Variants in PACRG observed in about 807,000 individuals in gnomAD.
PACRG encodes the protein parkin coregulated gene protein.
A neutral mutation model predicts 29.7 loss-of-function variants in PACRG; 29 were observed. The observed-to-expected ratio is 0.98, with a 90% CI of 0.73 to 1.33. The LOEUF (loss-of-function observed/expected upper bound fraction) is 1.33. PACRG is among the 40% of genes most tolerant of loss of function. The probability of loss-of-function intolerance (pLI) is 0.00; values close to 1 mark genes in which losing one functional copy is unlikely to be tolerated. For missense variants in PACRG, 279 were observed against 316.2 expected (o/e 0.88, Z 0.89); for synonymous variants, 116 against 118.7 (o/e 0.98, Z 0.15).
intron 2 of PACRG, among the ~76,000 whole-genome samples, chr6:162,893,941 T>A (rs3798216): frequency 0.18 from 26,927 of 152,096 alleles, 2,975 homozygotes; most frequent in East Asian, 0.35. Context: ...GCACAATCAA[T>A]CACGAACTCA....
chr6:162,952,712 A>C (rs1391504090), intron 2 of PACRG, among the ~76,000 whole-genome samples: 1 of 152,166 alleles, frequency 6.6e-6, no homozygotes, highest in Non-Finnish European at 1.5e-5. Flanking sequence ...GGGCTCAGTT[A>C]CACGAAAGGG....
chr6:163,084,667 T>C lies in PACRG; in HGVS notation c.464-4592T>C, dbSNP rs138885809. ...CCAATAACGTTGATCACAACCATGTTAATTCAGGCAAGGTTTCCTGATAGC... is the reference window on the plus strand; with the variant it reads ...CCAATAACGTTGATCACAACCATGTCAATTCAGGCAAGGTTTCCTGATAGC... On this transcript the variant is annotated intron_variant, in intron 3 of 4. Coordinates refer to ENST00000366888, the MANE Select transcript of PACRG (RefSeq NM_001080379.2). Among the ~76,000 whole-genome samples the C allele has an allele frequency of 1.6e-4, 24 of 152,174 alleles. 1 individual carries two copies. The East Asian group carries it at 4.5e-3, about 28-fold the overall frequency.
At chr6:163,054,959 C>A (rs898667656) in intron 2 of PACRG, among the ~76,000 whole-genome samples, 13 of 152,092 alleles carry the variant, frequency 8.5e-5, no homozygotes, top group Admixed American at 7.9e-4. Flanking sequence ...ATTAGGGTGA[C>A]CTGCCAGTGT....
At chr6:163,179,900 G>C (rs1301670863) in intron 4 of PACRG, among the ~76,000 whole-genome samples, 2 of 152,110 alleles carry the variant, frequency 1.3e-5, no homozygotes, top group African/African-American at 4.8e-5. Flanking sequence ...CTTGCCCGAG[G>C]CCACACAGGC....
chr6:162,929,023 G>A (rs1797656016), intron 2 of PACRG, among the ~76,000 whole-genome samples: 1 of 151,978 alleles, frequency 6.6e-6, no homozygotes, highest in Non-Finnish European at 1.5e-5. Context: ...TCCACTGATG[G>A]TCACTTACGT....
At chr6:163,214,786 T>C (rs923958781) in intron 4 of PACRG, among the ~76,000 whole-genome samples, 7 of 152,138 alleles carry the variant, frequency 4.6e-5, no homozygotes, top group African/African-American at 9.6e-5. Flanking sequence ...CATTTAACAC[T>C]GTTGGCTGCC....
chr6:162,854,092 T>A (rs1395030561), intron 2 of PACRG, among the ~76,000 whole-genome samples: 1 of 151,900 alleles, frequency 6.6e-6, no homozygotes, highest in African/African-American at 2.4e-5. Flanking sequence ...CTATAGTTTT[T>A]ATTTTGTATT....
intron 4 of PACRG, among the ~76,000 whole-genome samples, chr6:163,115,862 A>G (rs1043408942): frequency 2.6e-5 from 4 of 152,152 alleles, no homozygotes; most frequent in Non-Finnish European, 4.4e-5. Context: ...AAGTGTAGTA[A>G]TTACGTCATG....
chr6:163,213,521 G>A (rs1030319496), intron 4 of PACRG, among the ~76,000 whole-genome samples: 1 of 152,178 alleles, frequency 6.6e-6, no homozygotes, highest in African/African-American at 2.4e-5. Flanking sequence ...GTAGGAGAAT[G>A]TCCTTGTTTG....
At chr6:163,163,952 T>G (rs1372377983) in intron 4 of PACRG, among the ~76,000 whole-genome samples, 2 of 152,162 alleles carry the variant, frequency 1.3e-5, no homozygotes, top group Admixed American at 1.3e-4. Context: ...GATTTGTTTT[T>G]AAGCTGTCAT....
intron 2 of PACRG, among the ~76,000 whole-genome samples, chr6:163,023,053 C>T (rs1172801236): frequency 6.6e-6 from 1 of 152,140 alleles, no homozygotes; most frequent in Non-Finnish European, 1.5e-5. Flanking sequence ...CAGCCATGTT[C>T]CTTTTCTTGG....
At chr6:163,253,624 A>G (rs984043626) in intron 4 of PACRG, among the ~76,000 whole-genome samples, 1 of 152,162 alleles carries the variant, frequency 6.6e-6, no homozygotes, top group Non-Finnish European at 1.5e-5. Context: ...TGGTGGTCAA[A>G]TCTACCCTAG....
At chr6:162,816,820 G>A (rs1041982850) in intron 2 of PACRG, among the ~76,000 whole-genome samples, 2 of 152,102 alleles carry the variant, frequency 1.3e-5, no homozygotes, top group Non-Finnish European at 2.9e-5. Flanking sequence ...GAAGCAGGGC[G>A]ATCCGTCCCC....
intron 4 of PACRG, among the ~76,000 whole-genome samples, chr6:163,217,302 C>T (rs536902087): frequency 1.2e-4 from 18 of 152,352 alleles, no homozygotes; most frequent in South Asian, 4.1e-4. Flanking sequence ...TCACCCCCAA[C>T]GGGAGCCCAA....
chr6:163,154,173 C>T (rs1459759785), intron 4 of PACRG, among the ~76,000 whole-genome samples: 1 of 152,200 alleles, frequency 6.6e-6, no homozygotes, highest in East Asian at 1.9e-4. Context: ...GTGCAGCCTC[C>T]TCTGCGGAGC....
At chr6:162,729,147 T>A (rs1779542609) in intron 1 of PACRG, among the ~76,000 whole-genome samples, 1 of 152,214 alleles carries the variant, frequency 6.6e-6, no homozygotes, top group Admixed American at 6.5e-5. Flanking sequence ...TAGTATATAT[T>A]TTTTAAACCT....
intron 2 of PACRG, among the ~76,000 whole-genome samples, chr6:162,924,914 TGCTA>T (rs1797322666): frequency 1.3e-5 from 2 of 151,820 alleles, no homozygotes; most frequent in Non-Finnish European, 2.9e-5. Context: ...ATAGATAGAC[TGCTA>T]GCTAGACTAA....
intron 2 of PACRG, among the ~76,000 whole-genome samples, chr6:162,821,818 C>T (rs565379804): frequency 1.3e-5 from 2 of 152,286 alleles, no homozygotes; most frequent in African/African-American, 2.4e-5. Flanking sequence ...TCTTATCACT[C>T]GTCACACGTC....
chr6:162,950,062 T>G (rs1440262384), intron 2 of PACRG, among the ~76,000 whole-genome samples: 3 of 152,230 alleles, frequency 2.0e-5, no homozygotes, highest in Non-Finnish European at 4.4e-5. Context: ...TAATTTTTAG[T>G]GTTTTTTAAA....
Sources: gnomAD v4.1 joint callset for allele counts (sites outside exome capture counted in the v4.1 genomes callset) on GRCh38, gnomAD v4.1.1 for gene constraint, MANE v1.5 for transcripts, NCBI Gene and HGNC (gene_info 2026-07-23, HGNC 2026-07-21) for gene names.